Variants in BMPR2 observed in about 807,000 individuals in gnomAD.
BMPR2 encodes bone morphogenetic protein receptor type-2.
In BMPR2, 29 loss-of-function variants were observed where a neutral mutation model predicts 100.8. That is an observed-to-expected ratio of 0.29 (90% CI 0.21 to 0.39). The LOEUF (loss-of-function observed/expected upper bound fraction) is 0.39, where lower values mean the gene tolerates loss of function less well. BMPR2 is among the 10% of genes least tolerant of loss of function. The pLI, the probability that BMPR2 is intolerant of heterozygous loss-of-function variation, is 1.00. For missense variants in BMPR2, 1,011 were observed against 1,274.5 expected (o/e 0.79, Z 3.15); for synonymous variants, 382 against 442.3 (o/e 0.86, Z 1.71).
intron 9 of BMPR2, among the ~76,000 whole-genome samples, chr2:202,535,982 G>A (rs1196678216): frequency 6.6e-6 from 1 of 152,144 alleles, no homozygotes; most frequent in African/African-American, 2.4e-5. Flanking sequence ...GCTGAGGCAG[G>A]AGAATCAGGC....
intron 7 of BMPR2, among the ~76,000 whole-genome samples, chr2:202,525,471 AC>A (rs1315865512): frequency 2.6e-5 from 4 of 152,138 alleles, no homozygotes; most frequent in Non-Finnish European, 5.9e-5. Context: ...TGCTGGGATT[AC>A]AGGCATGAGC....
intron 7 of BMPR2, among the ~76,000 whole-genome samples, chr2:202,522,140 CAG>C (rs1435905306): frequency 6.6e-6 from 1 of 151,978 alleles, no homozygotes; most frequent in Admixed American, 6.6e-5. Flanking sequence ...GCCTGAGTGA[CAG>C]AGTGAGACCC....
chr2:202,474,308 T>C (rs2105967768), intron 3 of BMPR2, among the ~76,000 whole-genome samples: 1 of 151,356 alleles, frequency 6.6e-6, no homozygotes, highest in Non-Finnish European at 1.5e-5. Context: ...ACAAAAAGTA[T>C]AGCCAGGTGT....
At chr2:202,550,338 A>G (rs1688454621) in intron 10 of BMPR2, among the ~76,000 whole-genome samples, 1 of 149,438 alleles carries the variant, frequency 6.7e-6, no homozygotes. Flanking sequence ...GCGCCATTGC[A>G]CTGCAGCCTG....
chr2:202,406,802 T>TG (rs1690900231), intron 1 of BMPR2, among the ~76,000 whole-genome samples: 1 of 152,238 alleles, frequency 6.6e-6, no homozygotes, highest in African/African-American at 2.4e-5. Context: ...CTGGCTGCTA[T>TG]GCAAGGATGG....
intron 1 of BMPR2, among the ~76,000 whole-genome samples, chr2:202,432,923 T>C (rs1005635935): frequency 6.6e-6 from 1 of 150,600 alleles, no homozygotes; most frequent in Non-Finnish European, 1.5e-5. Flanking sequence ...ATCTACTTTG[T>C]TGTTTTGAGG....
chr2:202,462,474 C>T (rs1178017514), intron 1 of BMPR2, among the ~76,000 whole-genome samples: 4 of 152,114 alleles, frequency 2.6e-5, no homozygotes, highest in Admixed American at 6.5e-5. Context: ...CAGCCTCTGC[C>T]TCCCAAAGTG....
In BMPR2 at chr2:202,560,692, C is replaced by T. The variant is rs1688664828; in HGVS notation, c.*746C>T. 1 of 152,582 alleles carries T rather than the reference C, an allele frequency of 6.6e-6. No individual in the cohort carries two copies. The highest frequency in any genetic ancestry group is 2.4e-5 in the African/African-American group (1 of 41,434). The allele number at this position is 152,582 out of a possible 1,614,324, so 9.5% of individuals were successfully genotyped here. A position where few individuals can be genotyped will look rare whatever the true frequency, so the allele number is the denominator to read the frequency against. On this transcript the variant is annotated 3_prime_UTR_variant, in exon 13 of 13. Transcript: ENST00000374580. ...GGCTCTAAAGAAGGAACTACCAAAA[C>T]CTGACTTGAAATGCCATTTCTTTTA...
intron 1 of BMPR2, among the ~76,000 whole-genome samples, chr2:202,401,850 A>G (rs1334679810): frequency 6.6e-6 from 1 of 152,242 alleles, no homozygotes; most frequent in Admixed American, 6.5e-5. Context: ...TGATTTCAAG[A>G]CTACATTTTC....
chr2:202,439,419 GTTT>G (rs1394478961), intron 1 of BMPR2, among the ~76,000 whole-genome samples: 1 of 143,562 alleles, frequency 7.0e-6, no homozygotes, highest in Non-Finnish European at 1.5e-5. Context: ...CTTAGGATTT[GTTT>G]ATATGCAAAT....
intron 11 of BMPR2, among the ~76,000 whole-genome samples, chr2:202,553,983 C>T (rs531708104): frequency 1.3e-5 from 2 of 152,314 alleles, no homozygotes; most frequent in East Asian, 3.9e-4. Context: ...GTGTGAGCCA[C>T]CGTGCCCGGC....
intron 9 of BMPR2, among the ~76,000 whole-genome samples, chr2:202,535,583 C>G (rs574360030): frequency 1.3e-5 from 2 of 150,754 alleles, no homozygotes; most frequent in African/African-American, 4.9e-5. Flanking sequence ...CGGGCGGAGA[C>G]GCTCCCCACT....
At chr2:202,381,101 A>C (rs1690282368) in intron 1 of BMPR2, among the ~76,000 whole-genome samples, 2 of 149,542 alleles carry the variant, frequency 1.3e-5, no homozygotes, top group Middle Eastern at 3.5e-3. Flanking sequence ...CAGCCTCCCA[A>C]GTAGCTGGGA....
chr2:202,423,183 C>T (rs796484945), intron 1 of BMPR2, among the ~76,000 whole-genome samples: 25 of 152,218 alleles, frequency 1.6e-4, no homozygotes, highest in African/African-American at 6.0e-4. Context: ...GCCACCATGC[C>T]CAGCTGACAG....
chr2:202,386,940 C>G (rs1391741340), intron 1 of BMPR2, among the ~76,000 whole-genome samples: 1 of 152,178 alleles, frequency 6.6e-6, no homozygotes, highest in South Asian at 2.1e-4. Context: ...ACCTCGGCCT[C>G]CCAAAGTGCT....
At chr2:202,421,659 A>G (rs920829623) in intron 1 of BMPR2, among the ~76,000 whole-genome samples, 7 of 150,556 alleles carry the variant, frequency 4.6e-5, no homozygotes, top group African/African-American at 1.7e-4. Context: ...AAAAAAAAAG[A>G]ATTTGGAAGT....
chr2:202,520,281 T>A, intron 7 of BMPR2, 80 bp downstream of exon 7: 1 of 913,844 alleles, frequency 1.1e-6, no homozygotes. Context: ...ATCTTCAAAG[T>A]AAAAGTATAA....
intron 7 of BMPR2, among the ~76,000 whole-genome samples, chr2:202,526,874 T>A (rs1687921716): frequency 6.6e-6 from 1 of 152,154 alleles, no homozygotes; most frequent in African/African-American, 2.4e-5. Flanking sequence ...TTTATGGGAT[T>A]TTTCTTTTTT....
chr2:202,518,862 C>T lies in BMPR2; in HGVS notation c.662C>T (p.Ser221Phe). 1 of 1,614,186 alleles carries T rather than the reference C, an allele frequency of 6.2e-7. No individual in the cohort carries two copies. Among genetic ancestry groups the T allele is most frequent in the Non-Finnish European group, 8.5e-7 (1 of 1,180,038 alleles). The stretch of plus-strand genomic sequence containing the variant: ...CGATATGGAGCAGTATATAAAGGCT[C>T]CTTGGATGAGCGTCCAGTTGCTGTA... ...RGRYGAVYKGSLDERPVAVKV... is the reference protein window; with the variant it reads ...RGRYGAVYKGFLDERPVAVKV... Residue 221 changes from serine to phenylalanine, a missense_variant, in exon 6 of 13, where the codon TCC becomes TTC. By Grantham distance (155) the Ser-to-Phe change is radical. This residue lies in a region of BMPR2 where 355 missense variants were observed against 455.3 expected (regional missense o/e 0.78). Transcript: ENST00000374580.
Sources: allele counts gnomAD v4.1 joint callset (sites outside exome capture counted in the v4.1 genomes callset), GRCh38; gene constraint gnomAD v4.1.1; regional missense constraint gnomAD v4.1.1; transcripts MANE v1.5; gene names NCBI Gene and HGNC (gene_info 2026-07-23, HGNC 2026-07-21).